TSPAN9: variants seen among roughly 807,000 people sequenced by gnomAD.
TSPAN9 encodes tetraspanin-9.
Under a neutral mutation model 31.0 loss-of-function variants are expected in TSPAN9, and 16 were observed. The observed-to-expected ratio is 0.52, with a 90% confidence interval of 0.35 to 0.78. The LOEUF is 0.78. TSPAN9 is among the 30% of genes least tolerant of loss of function. The probability of loss-of-function intolerance (pLI) is 0.01; values close to 1 mark genes in which losing one functional copy is unlikely to be tolerated. For synonymous variants in TSPAN9, 145 were observed against 121.6 expected (o/e 1.19, Z -1.27); for missense variants, 272 against 312.5 (o/e 0.87, Z 0.98).
intron 3 of TSPAN9, among the ~76,000 whole-genome samples, chr12:3,278,075 C>T (rs1203668670): frequency 2.0e-5 from 3 of 152,236 alleles, no homozygotes; most frequent in African/African-American, 4.8e-5. Context: ...CTCTATCATG[C>T]AGAGTAACCT....
chr12:3,155,976 G>A (rs1308339640), intron 2 of TSPAN9, among the ~76,000 whole-genome samples: 1 of 152,176 alleles, frequency 6.6e-6, no homozygotes, highest in Non-Finnish European at 1.5e-5. Context: ...CAGCCATGAC[G>A]TATGAGCCTA....
chr12:3,234,892 G>A (rs2098392511), intron 3 of TSPAN9, among the ~76,000 whole-genome samples: 1 of 151,930 alleles, frequency 6.6e-6, no homozygotes, highest in East Asian at 1.9e-4. Context: ...CGGGCGTGGT[G>A]GCTTACGCCT....
chr12:3,151,670 C>A (rs945584392), intron 2 of TSPAN9, among the ~76,000 whole-genome samples: 2 of 152,160 alleles, frequency 1.3e-5, no homozygotes, highest in African/African-American at 4.8e-5. Context: ...GGTCTTCTTC[C>A]TTAAACCCAG....
intron 2 of TSPAN9, among the ~76,000 whole-genome samples, chr12:3,105,821 C>T (rs557945450): frequency 9.3e-5 from 14 of 150,002 alleles, no homozygotes; most frequent in African/African-American, 1.7e-4. Flanking sequence ...CACGCACACG[C>T]GCACACACAC....
At chr12:3,258,519 C>T (rs1477349070) in intron 3 of TSPAN9, among the ~76,000 whole-genome samples, 1 of 152,198 alleles carries the variant, frequency 6.6e-6, no homozygotes, top group Non-Finnish European at 1.5e-5. Flanking sequence ...GAAGAGTGGT[C>T]GTGGGAGCCT....
At chr12:3,275,563 T>C (rs1308981104) in intron 3 of TSPAN9, among the ~76,000 whole-genome samples, 1 of 152,232 alleles carries the variant, frequency 6.6e-6, no homozygotes, top group Non-Finnish European at 1.5e-5. Context: ...AGAGTGACTA[T>C]TTGGATGAAA....
At chr12:3,153,148 C>G (rs1054048215) in intron 2 of TSPAN9, among the ~76,000 whole-genome samples, 3 of 152,176 alleles carry the variant, frequency 2.0e-5, no homozygotes, top group Non-Finnish European at 4.4e-5. Flanking sequence ...TTCCTTGTGC[C>G]TTACCCCTGT....
chr12:3,111,831 C>T (rs1210353883), intron 2 of TSPAN9, among the ~76,000 whole-genome samples: 8 of 152,026 alleles, frequency 5.3e-5, no homozygotes, highest in Non-Finnish European at 1.2e-4. Context: ...AGGCTGGTCT[C>T]GAACTCCTGA....
intron 3 of TSPAN9, among the ~76,000 whole-genome samples, chr12:3,257,253 T>A (rs1032508190): frequency 3.9e-5 from 6 of 152,032 alleles, no homozygotes; most frequent in African/African-American, 7.3e-5. Flanking sequence ...CCTAGGGGTC[T>A]CGGAGGAAGC....
At chr12:3,253,129 G>A (rs1022094162) in intron 3 of TSPAN9, among the ~76,000 whole-genome samples, 2 of 152,094 alleles carry the variant, frequency 1.3e-5, no homozygotes, top group African/African-American at 4.8e-5. Context: ...TGATCAACAC[G>A]TTCTGGGATG....
chr12:3,204,106 T>G (rs974233053), intron 3 of TSPAN9, among the ~76,000 whole-genome samples: 3 of 152,194 alleles, frequency 2.0e-5, no homozygotes, highest in Admixed American at 6.5e-5. Context: ...AGGAATTTTG[T>G]AGCCTTAACT....
intron 2 of TSPAN9, among the ~76,000 whole-genome samples, chr12:3,133,504 C>T (rs1010400045): frequency 1.3e-5 from 2 of 152,186 alleles, no homozygotes; most frequent in African/African-American, 4.8e-5. Flanking sequence ...ACAGGAGAGC[C>T]TTGGTATGTA....
intron 2 of TSPAN9, among the ~76,000 whole-genome samples, chr12:3,126,235 G>A (rs1329344650): frequency 6.6e-6 from 1 of 152,216 alleles, no homozygotes; most frequent in Non-Finnish European, 1.5e-5. Flanking sequence ...ATACAGTCAC[G>A]TGTTGCTTCA....
chr12:3,259,349 A>G (rs1862407387), intron 3 of TSPAN9, among the ~76,000 whole-genome samples: 1 of 152,214 alleles, frequency 6.6e-6, no homozygotes, highest in Non-Finnish European at 1.5e-5. Flanking sequence ...TTTATTCATC[A>G]TATACTAAAT....
At position 3,164,741 on chromosome 12, in the gene TSPAN9, G is replaced by C. The variant is rs117685010; in HGVS notation, c.-17-36436G>C. Reference sequence around the variant, plus strand: ...GCACTGTTAACTCTGCAACCAGACTGAGCCTGCTGAGCCTTCTCGGTATAG... The same window carrying C: ...GCACTGTTAACTCTGCAACCAGACTCAGCCTGCTGAGCCTTCTCGGTATAG... On this transcript the variant is annotated intron_variant, in intron 2 of 8. Coordinates refer to ENST00000011898, the MANE Select transcript of TSPAN9 (RefSeq NM_006675.5). Among the ~76,000 whole-genome samples the C allele has an allele frequency of 3.6e-3, 544 of 152,296 alleles. 2 individuals are homozygous for C. Among genetic ancestry groups the C allele is most frequent in the Non-Finnish European group, 6.6e-3 (446 of 68,016 alleles).
At chr12:3,281,954 C>A in intron 8 of TSPAN9, 137 bp downstream of exon 8, 2 of 964,458 alleles carry the variant, frequency 2.1e-6, no homozygotes, top group Non-Finnish European at 3.3e-6. Context: ...AGCTTAGCAG[C>A]TGTGCCTGCC....
At chr12:3,081,838 G>GTATATATATATATATATATA (rs1456999682) in intron 1 of TSPAN9, among the ~76,000 whole-genome samples, 5 of 31,034 alleles carry the variant, frequency 1.6e-4, no homozygotes, top group African/African-American at 7.1e-4. Context: ...GTGTGTGTCT[G>GTATATATATATATATATATA]TGTGTGTATA....
At chr12:3,222,560 C>T (rs2098385125) in intron 3 of TSPAN9, among the ~76,000 whole-genome samples, 2 of 152,214 alleles carry the variant, frequency 1.3e-5, no homozygotes, top group Admixed American at 6.5e-5. Context: ...GTTCCTTAAA[C>T]CCGGCTGCCT....
chr12:3,219,067 G>C (rs1286421798), intron 3 of TSPAN9, among the ~76,000 whole-genome samples: 1 of 152,230 alleles, frequency 6.6e-6, no homozygotes, highest in Non-Finnish European at 1.5e-5. Flanking sequence ...CGATGTGCCA[G>C]AGACAAGGGC....
Sources: allele counts gnomAD v4.1 joint callset (sites outside exome capture counted in the v4.1 genomes callset), GRCh38; gene constraint gnomAD v4.1.1; transcripts MANE v1.5; gene names NCBI Gene and HGNC (gene_info 2026-07-23, HGNC 2026-07-21).